Variants in CACNA1A observed in about 807,000 individuals in gnomAD.
The protein encoded by CACNA1A is calcium voltage-gated channel subunit alpha1 A.
CACNA1A carries 57 observed loss-of-function variants against 262.4 expected under a neutral mutation model. That is an observed-to-expected ratio of 0.22 (90% CI 0.18 to 0.27). CACNA1A has a LOEUF of 0.27. Among genes scored for constraint, CACNA1A ranks in the 10% least tolerant of loss-of-function variants. The pLI is 1.00. For synonymous variants in CACNA1A, 1,431 were observed against 1,419.3 expected, an observed-to-expected ratio of 1.01 and a Z score of -0.18; for missense variants, 2,526 against 3,562.8, an observed-to-expected ratio of 0.71 and a Z score of 7.41.
At chr19:13,405,894 G>A (rs983119710) in intron 3 of CACNA1A, among the ~76,000 whole-genome samples, 2 of 152,172 alleles carry the variant, frequency 1.3e-5, no homozygotes, top group Non-Finnish European at 2.9e-5. Flanking sequence ...CTGGCCCAGG[G>A]TCACATAGCT....
chr19:13,281,307 C>T (rs561161956), intron 22 of CACNA1A, among the ~76,000 whole-genome samples: 2 of 144,964 alleles, frequency 1.4e-5, no homozygotes, highest in South Asian at 2.2e-4. Context: ...GAGCCCGGGA[C>T]GTTGAGGCTG....
intron 1 of CACNA1A, among the ~76,000 whole-genome samples, chr19:13,505,143 G>T (rs1297632320): frequency 6.6e-6 from 1 of 152,130 alleles, no homozygotes; most frequent in African/African-American, 2.4e-5. Context: ...TCCAGATCAG[G>T]TCTTCCCAGG....
At chr19:13,238,418 G>A (rs1335511254) in intron 31 of CACNA1A, among the ~76,000 whole-genome samples, 1 of 152,042 alleles carries the variant, frequency 6.6e-6, no homozygotes. Flanking sequence ...CCACCTAAGG[G>A]CTCCAGAAAA....
At chr19:13,488,786 A>G (rs544142350) in intron 1 of CACNA1A, among the ~76,000 whole-genome samples, 2 of 151,952 alleles carry the variant, frequency 1.3e-5, no homozygotes, top group South Asian at 4.2e-4. Context: ...GGGATTGAGC[A>G]GGTCTGGGGT....
At chr19:13,504,846 C>A (rs914133001) in intron 1 of CACNA1A, among the ~76,000 whole-genome samples, 14 of 152,206 alleles carry the variant, frequency 9.2e-5, no homozygotes, top group African/African-American at 3.1e-4. Flanking sequence ...AGATGTTAAG[C>A]CCTCCTCAAG....
At chr19:13,362,288 C>G (rs2059124883) in intron 5 of CACNA1A, 1 of 152,144 alleles carries the variant, frequency 6.6e-6, no homozygotes, top group Non-Finnish European at 1.5e-5. Context: ...ACCTCTATGT[C>G]CCAGGTTCAA....
At chr19:13,238,990 T>G (rs528768247) in intron 31 of CACNA1A, among the ~76,000 whole-genome samples, 19 of 152,082 alleles carry the variant, frequency 1.2e-4, no homozygotes, top group Non-Finnish European at 2.5e-4. Context: ...CCCACTGTTC[T>G]CTCTCCTCCA....
Position 13,359,788 on chromosome 19 carries a change from C to T in CACNA1A, c.796G>A (p.Gly266Ser), listed in dbSNP as rs17846908. The T allele has an allele frequency of 1.1e-4, 168 of 1,519,056 alleles. No homozygotes were observed. In the East Asian group the frequency reaches 3.2e-3, roughly 29 times the overall value. 94.1% of individuals were successfully genotyped at this position (1,519,056 alleles called of 1,614,324 possible). ...CFEEGTDDIQ[G>S]ESPAPCGTEE... is the part of the protein sequence containing the mutation. ...GTCCCACATGGAGCCGGAGACTCACCCTGAATGTCATCTACAAAAGGGAAG... is the reference window on the plus strand; with the variant it reads ...GTCCCACATGGAGCCGGAGACTCACTCTGAATGTCATCTACAAAAGGGAAG... The change falls in exon 6 of 47, where the codon GGT (glycine) becomes AGT (serine). Residue 266 changes from glycine to serine, a missense_variant. Coordinates refer to ENST00000360228, the MANE Select transcript of CACNA1A (RefSeq NM_001127222.2).
At chr19:13,235,882 C>T in intron 31 of CACNA1A, 152 bp from the exon 32 acceptor site, 1 of 582,572 alleles carries the variant, frequency 1.7e-6, no homozygotes, top group Non-Finnish European at 3.1e-6. Context: ...ACTATTAATG[C>T]AATGATGCAG....
rs1441141639 is a variant in CACNA1A at position 13,208,863 on chromosome 19, T to C, written c.6673A>G (p.Lys2225Glu). ...GGCCGTTCCTGGGCATAGCGGTCCTTGTCGGGGGGCGGGGGATGGTGGTGG... is the reference window on the plus strand; with the variant it reads ...GGCCGTTCCTGGGCATAGCGGTCCTCGTCGGGGGGCGGGGGATGGTGGTGG... ...HHHHHPPPPD[K>E]DRYAQERPDH... Residue 2225 changes from lysine (K) to glutamate (E), a missense_variant, in exon 46 of 47, where the codon AAG becomes GAG. Lys to Glu is a moderately conservative substitution (Grantham distance 56, BLOSUM62 1). This residue lies in a region of CACNA1A where 929 missense variants were observed against 868.1 expected (regional missense o/e 1.07). Transcript: ENST00000360228. 3 of 1,465,166 alleles carry C rather than the reference T, an allele frequency of 2.0e-6. No individual in the cohort carries two copies. Among genetic ancestry groups the C allele is most frequent in the East Asian group, 2.6e-5 (1 of 38,786 alleles). 90.8% of individuals were successfully genotyped at this position (1,465,166 alleles called of 1,614,324 possible). A position where few individuals can be genotyped will look rare whatever the true frequency, so the allele number is the denominator to read the frequency against.
At chr19:13,295,502 T>TC (rs1303676120) in intron 19 of CACNA1A, among the ~76,000 whole-genome samples, 1 of 151,832 alleles carries the variant, frequency 6.6e-6, no homozygotes, top group Non-Finnish European at 1.5e-5. Flanking sequence ...TTTCTTTTTT[T>TC]TTTTTTTGAG....
chr19:13,366,966 A>G (rs2059224789), intron 4 of CACNA1A, among the ~76,000 whole-genome samples: 1 of 152,164 alleles, frequency 6.6e-6, no homozygotes, highest in African/African-American at 2.4e-5. Context: ...GCTAACAGAG[A>G]TGCTGTGATT....
chr19:13,260,237 C>T (rs1031184544), intron 26 of CACNA1A: 2 of 155,018 alleles, frequency 1.3e-5, no homozygotes, highest in Non-Finnish European at 2.9e-5. Flanking sequence ...GTAACAATAT[C>T]ACTATATATA....
intron 3 of CACNA1A, among the ~76,000 whole-genome samples, chr19:13,441,988 T>C (rs1209205550): frequency 2.0e-5 from 3 of 152,172 alleles, no homozygotes; most frequent in Non-Finnish European, 4.4e-5. Context: ...ATCTGGCCTT[T>C]ACTCAGTCCC....
chr19:13,360,865 T>C (rs1211401579), intron 5 of CACNA1A, among the ~76,000 whole-genome samples: 2 of 152,132 alleles, frequency 1.3e-5, no homozygotes, highest in Admixed American at 6.6e-5. Flanking sequence ...ACTTTTAGAG[T>C]TCTCTTTTTG....
intron 1 of CACNA1A, among the ~76,000 whole-genome samples, chr19:13,494,147 C>T (rs184135186): frequency 2.6e-5 from 4 of 152,186 alleles, no homozygotes; most frequent in Admixed American, 2.0e-4. Flanking sequence ...ACATGGTGGC[C>T]CTTATTTTTT....
At position 13,324,623 on chromosome 19, in the gene CACNA1A, T is replaced by C. The variant is rs535211012; in HGVS notation, c.1345+5621A>G. ...AAAATCATGCCTGTAATCCCAGAACTTTGGGAAGCCAGGGCAGGAGGATCA... is the reference window on the plus strand; with the variant it reads ...AAAATCATGCCTGTAATCCCAGAACCTTGGGAAGCCAGGGCAGGAGGATCA... On this transcript the variant is annotated intron_variant, in intron 10 of 46. Transcript: ENST00000360228. Among the ~76,000 whole-genome samples the C allele has an allele frequency of 2.0e-5, 3 of 152,244 alleles. 1 individual carries two copies. The highest frequency in any genetic ancestry group is 7.2e-5 in the African/African-American group (3 of 41,538).
intron 1 of CACNA1A, among the ~76,000 whole-genome samples, chr19:13,503,261 A>C (rs1982602415): frequency 6.6e-6 from 1 of 152,112 alleles, no homozygotes. Flanking sequence ...AAGTCAGGTG[A>C]GCGGTACCCT....
chr19:13,212,505 C>T lies in CACNA1A; in HGVS notation c.6068G>A (p.Gly2023Asp), dbSNP rs1390292121. The T allele has an allele frequency of 1.9e-6, 3 of 1,576,962 alleles. No homozygotes were observed. Among genetic ancestry groups the T allele is most frequent in the Non-Finnish European group, 2.6e-6 (3 of 1,161,086 alleles). The stretch of plus-strand genomic sequence containing the variant: ...CACCCAGGACGGGCTCTCCTTGAGG[C>T]CGCTTTCGTGAGCCATCCTGCATGG... ...PGGALMAHES[G>D]LKESPSWVTQ... The change falls in exon 42 of 47, where the codon GGC becomes GAC. Residue 2023 changes from glycine to aspartate, a missense_variant. This residue lies in a region of CACNA1A where 929 missense variants were observed against 868.1 expected (regional missense o/e 1.07). Coordinates refer to ENST00000360228, the MANE Select transcript of CACNA1A (RefSeq NM_001127222.2). This position sits in a 1 kb window ranked among gnomAD's most constrained non-coding sequence, Gnocchi z 5.6.
Sources: allele counts gnomAD v4.1 joint callset (sites outside exome capture counted in the v4.1 genomes callset), GRCh38; gene constraint gnomAD v4.1.1; regional missense constraint gnomAD v4.1.1; non-coding constraint Gnocchi (gnomAD v3.1); transcripts MANE v1.5; gene names NCBI Gene and HGNC (gene_info 2026-07-23, HGNC 2026-07-21).